The following NEGR1 variants were observed in gnomAD, a reference collection of about 807,000 sequenced individuals.
NEGR1 encodes the protein neuronal growth regulator 1, also known as IgLON family member 4.
NEGR1 carries 10 observed loss-of-function variants against 40.9 expected under a neutral mutation model. That is an observed-to-expected ratio of 0.24 (90% CI 0.15 to 0.42). The LOEUF (loss-of-function observed/expected upper bound fraction) is 0.42. NEGR1 is among the 10% of genes least tolerant of loss of function. The probability of loss-of-function intolerance (pLI) is 1.00; values close to 1 mark genes in which losing one functional copy is unlikely to be tolerated. For missense variants in NEGR1, 352 were observed against 438.9 expected, an observed-to-expected ratio of 0.80 and a Z score of 1.77; for synonymous variants, 185 against 166.8, an observed-to-expected ratio of 1.11 and a Z score of -0.84.
At chr1:72,149,795 C>T (rs888948876) in intron 1 of NEGR1, among the ~76,000 whole-genome samples, 2 of 146,998 alleles carry the variant, frequency 1.4e-5, no homozygotes, top group African/African-American at 2.5e-5. Flanking sequence ...GCAGAAGAAT[C>T]GCTTGAACCT....
chr1:71,418,038 G>C (rs1646367623), intron 6 of NEGR1, among the ~76,000 whole-genome samples: 1 of 149,536 alleles, frequency 6.7e-6, no homozygotes, highest in South Asian at 2.1e-4. Flanking sequence ...GTGATCACCT[G>C]CTATTCCCCA....
intron 1 of NEGR1, among the ~76,000 whole-genome samples, chr1:72,007,961 A>G (rs1646622660): frequency 6.6e-6 from 1 of 152,276 alleles, no homozygotes; most frequent in South Asian, 2.1e-4. Flanking sequence ...TTAACTATGA[A>G]GAAGTATTAG....
At position 72,017,039 on chromosome 1, in the gene NEGR1, A is replaced by G. The variant is rs74089554; in HGVS notation, c.177-81728T>C. On this transcript the variant is annotated intron_variant, in intron 1 of 6. Coordinates refer to ENST00000357731, the MANE Select transcript of NEGR1 (RefSeq NM_173808.3). ...TTTACTGTATAATTTGATAAAATAT[A>G]TGTATTGGAGTGAATGTGGTAGGTA... Among the ~76,000 whole-genome samples the G allele has an allele frequency of 7.9e-3, 1,209 of 152,246 alleles. 10 individuals carry two copies. Among genetic ancestry groups the G allele is most frequent in the African/African-American group, 0.027 (1,113 of 41,544 alleles).
chr1:71,815,265 G>C (rs887824895), intron 2 of NEGR1, among the ~76,000 whole-genome samples: 7 of 152,116 alleles, frequency 4.6e-5, no homozygotes, highest in Admixed American at 3.9e-4. Context: ...GCTGTGGTCT[G>C]AGAAACTGTT....
intron 1 of NEGR1, among the ~76,000 whole-genome samples, chr1:72,136,692 G>A (rs1442235640): frequency 6.9e-6 from 1 of 145,002 alleles, no homozygotes; most frequent in Non-Finnish European, 1.5e-5. Context: ...GATGGGCAAA[G>A]ACTTCATGAC....
intron 3 of NEGR1, among the ~76,000 whole-genome samples, chr1:71,737,759 A>G (rs1231450698): frequency 1.3e-5 from 2 of 152,184 alleles, no homozygotes; most frequent in Non-Finnish European, 2.9e-5. Flanking sequence ...GACAAAAAAG[A>G]TAGCTAATTT....
chr1:71,776,178 G>C lies in NEGR1; in HGVS notation c.529C>G (p.Pro177Ala), dbSNP rs765126599. The C allele has an allele frequency of 6.2e-7, 1 of 1,609,086 alleles. No individual in the cohort carries two copies. Among genetic ancestry groups the C allele is most frequent in the Non-Finnish European group, 8.5e-7 (1 of 1,177,214 alleles). Residue 177 changes from proline (P) to alanine (A), a missense_variant, in exon 3 of 7, where the codon CCA becomes GCA. By Grantham distance (27) the Pro-to-Ala change is conservative. Transcript: ENST00000357731. Reference sequence around the variant, plus strand: ...TAATGCATTCCTACTTTACCTGATGGGGAGATGTGTCGCCAAGAAATGGAA... The same window carrying C: ...TAATGCATTCCTACTTTACCTGATGCGGAGATGTGTCGCCAAGAAATGGAA... ...EPSISWRHIS[P>A]SAKPFENGQY...
intron 1 of NEGR1, among the ~76,000 whole-genome samples, chr1:72,030,149 T>C (rs1008619956): frequency 6.6e-6 from 1 of 151,804 alleles, no homozygotes; most frequent in South Asian, 2.1e-4. Context: ...CAAGTGACAA[T>C]GTAGAATGTA....
chr1:71,837,552 C>T (rs1190222706), intron 2 of NEGR1, among the ~76,000 whole-genome samples: 2 of 151,766 alleles, frequency 1.3e-5, no homozygotes, highest in African/African-American at 4.8e-5. Context: ...CGTTTGTTGC[C>T]CTCTTGTTAA....
chr1:71,745,308 C>G (rs1446600862), intron 3 of NEGR1, among the ~76,000 whole-genome samples: 3 of 152,160 alleles, frequency 2.0e-5, no homozygotes, highest in African/African-American at 7.2e-5. Flanking sequence ...GCTTCCAGTG[C>G]AACGTCTAAA....
chr1:71,513,673 G>A (rs1212790405), intron 6 of NEGR1, among the ~76,000 whole-genome samples: 1 of 152,196 alleles, frequency 6.6e-6, no homozygotes, highest in African/African-American at 2.4e-5. Context: ...ACGGAAGTTA[G>A]GTAGCCTCCT....
At chr1:71,915,928 C>T (rs1661565551) in intron 2 of NEGR1, among the ~76,000 whole-genome samples, 1 of 152,088 alleles carries the variant, frequency 6.6e-6, no homozygotes. Context: ...AAAGGATGTT[C>T]AGAGATGTTC....
intron 6 of NEGR1, among the ~76,000 whole-genome samples, chr1:71,544,948 T>C: frequency 6.6e-6 from 1 of 151,652 alleles, no homozygotes; most frequent in East Asian, 2.0e-4. Context: ...CTGAGATGAG[T>C]ATTCAGGTTT....
At chr1:71,656,642 C>T in intron 4 of NEGR1, among the ~76,000 whole-genome samples, 1 of 152,282 alleles carries the variant, frequency 6.6e-6, no homozygotes, top group East Asian at 1.9e-4. Flanking sequence ...CCTCGTGATC[C>T]GCCCGCCTCG....
At chr1:72,190,188 T>C (rs1186565326) in intron 1 of NEGR1, among the ~76,000 whole-genome samples, 3 of 151,592 alleles carry the variant, frequency 2.0e-5, no homozygotes, top group Non-Finnish European at 4.4e-5. Context: ...AATACATCCA[T>C]CCATACATGT....
rs1445604697 is a variant in NEGR1, at chr1:71,403,647, TAAAG to T, written c.*3795_*3798del. 1 of 302,494 alleles carries T rather than the reference TAAAG, an allele frequency of 3.3e-6. No individual in the cohort carries two copies. The highest frequency in any genetic ancestry group is 6.1e-6 in the Non-Finnish European group (1 of 163,520). The allele number at this position is 302,494 out of a possible 1,614,324, so 18.7% of individuals were successfully genotyped here. ...AGAAAGATGAGTGTAATACAGGAAA[TAAAG>T]AGAATAGCAGAAATATCTTCAAATT... On this transcript the variant is annotated 3_prime_UTR_variant, in exon 7 of 7. Transcript: ENST00000357731.
At chr1:71,548,079 C>A (rs575067388) in intron 6 of NEGR1, among the ~76,000 whole-genome samples, 1 of 151,628 alleles carries the variant, frequency 6.6e-6, no homozygotes, top group Non-Finnish European at 1.5e-5. Flanking sequence ...ATAACTACAG[C>A]CTTAGCCATC....
rs187358286 is a variant in NEGR1 at position 71,714,343 on chromosome 1, A to C, written c.536-16204T>G. On this transcript the variant is annotated intron_variant, in intron 3 of 6. Transcript: ENST00000357731. ...GAGATTGGGGTGAGGACACAGAGCC[A>C]AACTTTATCATTCTGCCTTTGGCCC... Among the ~76,000 whole-genome samples the C allele has an allele frequency of 9.8e-4, 149 of 152,292 alleles. No individual in the cohort carries two copies. In the Middle Eastern group the frequency reaches 0.017, roughly 17 times the overall value.
At chr1:71,956,511 TAATAAA>T (rs1354048751) in intron 1 of NEGR1, among the ~76,000 whole-genome samples, 1 of 152,040 alleles carries the variant, frequency 6.6e-6, no homozygotes, top group Non-Finnish European at 1.5e-5. Flanking sequence ...TTTCCATACA[TAATAAA>T]AATAATAAGA....
Sources: allele counts gnomAD v4.1 joint callset (sites outside exome capture counted in the v4.1 genomes callset), GRCh38; gene constraint gnomAD v4.1.1; transcripts MANE v1.5; gene names NCBI Gene and HGNC (gene_info 2026-07-23, HGNC 2026-07-21).